Variants in STXBP6 observed in about 807,000 individuals in gnomAD.
STXBP6 encodes syntaxin binding protein 6, also known as syntaxin-binding protein 6.
A neutral mutation model predicts 26.9 loss-of-function variants in STXBP6; 21 were observed. The observed-to-expected ratio is 0.78, with a 90% CI of 0.55 to 1.12. STXBP6 has a LOEUF of 1.12. Among genes scored for constraint, STXBP6 ranks in the 50% most tolerant of loss-of-function variants. The pLI is 0.00. For missense variants in STXBP6, 232 were observed against 257.9 expected (o/e 0.90, Z 0.69); for synonymous variants, 97 against 92.6 (o/e 1.05, Z -0.27).
chr14:24,914,459 G>C (rs2071685083), intron 2 of STXBP6, among the ~76,000 whole-genome samples: 2 of 152,064 alleles, frequency 1.3e-5, no homozygotes, highest in Non-Finnish European at 2.9e-5. Flanking sequence ...CCCTTAATTA[G>C]TCAAAGGACG....
chr14:24,886,546 G>A (rs1359867874), intron 2 of STXBP6, among the ~76,000 whole-genome samples: 1 of 151,284 alleles, frequency 6.6e-6, no homozygotes, highest in Non-Finnish European at 1.5e-5. Context: ...CTACAATTCA[G>A]ATGACATGTT....
At chr14:24,982,528 G>A (rs911013959) in intron 1 of STXBP6, among the ~76,000 whole-genome samples, 1 of 152,188 alleles carries the variant, frequency 6.6e-6, no homozygotes, top group Non-Finnish European at 1.5e-5. Flanking sequence ...TGGTCATACT[G>A]TTTAATTCTT....
At chr14:24,990,659 C>CAAAA (rs1211659589) in intron 1 of STXBP6, among the ~76,000 whole-genome samples, 7,081 of 57,058 alleles carry the variant, frequency 0.12, 577 homozygotes, top group Non-Finnish European at 0.13. Flanking sequence ...AACTCCATCT[C>CAAAA]AAAAAAAAAA....
intron 1 of STXBP6, among the ~76,000 whole-genome samples, chr14:25,023,104 T>A (rs1196050115): frequency 1.3e-5 from 2 of 152,222 alleles, no homozygotes; most frequent in East Asian, 3.8e-4. Flanking sequence ...ATTCCAAGGA[T>A]GCAAATGACT....
intron 2 of STXBP6, among the ~76,000 whole-genome samples, chr14:24,917,470 C>T (rs1458307970): frequency 6.6e-6 from 1 of 152,062 alleles, no homozygotes; most frequent in Non-Finnish European, 1.5e-5. Context: ...GCACCATAAG[C>T]ACTCAAGATA....
chr14:24,894,891 CT>C (rs66655858), intron 2 of STXBP6, among the ~76,000 whole-genome samples: 20,598 of 150,466 alleles, frequency 0.14, 1,768 homozygotes, highest in South Asian at 0.23. Flanking sequence ...TTCTCTCTCT[CT>C]TTTTTTTTTT....
intron 1 of STXBP6, among the ~76,000 whole-genome samples, chr14:25,033,470 G>C (rs1028083427): frequency 6.6e-6 from 1 of 152,096 alleles, no homozygotes; most frequent in Non-Finnish European, 1.5e-5. Context: ...TCAAATCCAT[G>C]TTAGGAACAC....
Position 25,014,685 on chromosome 14 carries a change from A to T in STXBP6, c.-33+35193T>A, listed in dbSNP as rs143765878. On this transcript the variant is annotated intron_variant, in intron 1 of 5. Coordinates refer to ENST00000323944, the MANE Select transcript of STXBP6 (RefSeq NM_001394410.1). ...AACTGTGACAGGGTATGTTCTGCAA[A>T]GAAGTTCTGAGTCAGCTGTCTCTGA... Among the ~76,000 whole-genome samples the T allele has an allele frequency of 5.3e-3, 805 of 152,340 alleles. 9 individuals carry two copies. Among genetic ancestry groups the T allele is most frequent in the African/African-American group, 0.019 (774 of 41,576 alleles).
chr14:24,822,727 AT>A (rs540002443), intron 4 of STXBP6, among the ~76,000 whole-genome samples: 28 of 152,228 alleles, frequency 1.8e-4, no homozygotes, highest in African/African-American at 5.8e-4. Context: ...AAAATGGCAC[AT>A]CTCACCCAGT....
At chr14:24,921,136 A>G (rs1452766313) in intron 2 of STXBP6, among the ~76,000 whole-genome samples, 1 of 152,192 alleles carries the variant, frequency 6.6e-6, no homozygotes, top group East Asian at 1.9e-4. Flanking sequence ...TCTTCTCTGT[A>G]AAATGGGAAT....
intron 2 of STXBP6, among the ~76,000 whole-genome samples, chr14:24,938,867 T>TC (rs1185759069): frequency 6.6e-6 from 1 of 152,090 alleles, no homozygotes. Flanking sequence ...TAACATGTAT[T>TC]CAACTTGCTC....
At chr14:24,885,606 C>T (rs182765997) in intron 2 of STXBP6, among the ~76,000 whole-genome samples, 66 of 152,354 alleles carry the variant, frequency 4.3e-4, no homozygotes, top group African/African-American at 1.5e-3. Context: ...CTCTGCTAGT[C>T]ACAGCAATTG....
At chr14:24,886,571 C>A (rs1421742843) in intron 2 of STXBP6, among the ~76,000 whole-genome samples, 1 of 152,104 alleles carries the variant, frequency 6.6e-6, no homozygotes, top group Admixed American at 6.5e-5. Context: ...TTATTTTATT[C>A]TGGAATTTGG....
At chr14:24,818,202 A>G in intron 5 of STXBP6, 4 of 447,098 alleles carry the variant, frequency 8.9e-6, no homozygotes, top group Admixed American at 2.5e-5. Flanking sequence ...AATTCAAACC[A>G]CTAACCAGAA....
At chr14:24,927,423 G>A (rs141071116) in intron 2 of STXBP6, among the ~76,000 whole-genome samples, 1 of 152,250 alleles carries the variant, frequency 6.6e-6, no homozygotes, top group African/African-American at 2.4e-5. Flanking sequence ...AGTGGAAAAA[G>A]CAACAATATT....
chr14:24,859,153 G>A (rs1326744431), intron 2 of STXBP6, among the ~76,000 whole-genome samples: 2 of 152,248 alleles, frequency 1.3e-5, no homozygotes, highest in East Asian at 3.9e-4. Flanking sequence ...AGGCATGCAG[G>A]AACCCCAACT....
chr14:24,992,071 T>C (rs2074488054), intron 1 of STXBP6, among the ~76,000 whole-genome samples: 2 of 152,180 alleles, frequency 1.3e-5, no homozygotes, highest in South Asian at 4.1e-4. Flanking sequence ...TTCTTACCGG[T>C]CTGTTTTTCC....
At chr14:25,046,190 G>C (rs1169866584) in intron 1 of STXBP6, among the ~76,000 whole-genome samples, 3 of 152,194 alleles carry the variant, frequency 2.0e-5, no homozygotes, top group South Asian at 4.1e-4. Flanking sequence ...ACAGTGATAA[G>C]AGGCTGCCCT....
chr14:24,916,023 G>A (rs2139766785), intron 2 of STXBP6, among the ~76,000 whole-genome samples: 1 of 152,180 alleles, frequency 6.6e-6, no homozygotes, highest in South Asian at 2.1e-4. Flanking sequence ...CTCCGATTCT[G>A]AAGTAACTAC....
Sources: allele counts gnomAD v4.1 joint callset (sites outside exome capture counted in the v4.1 genomes callset), GRCh38; gene constraint gnomAD v4.1.1; transcripts MANE v1.5; gene names NCBI Gene and HGNC (gene_info 2026-07-23, HGNC 2026-07-21).